The following TMEM135 variants were observed in gnomAD, a reference collection of about 807,000 sequenced individuals.
TMEM135 encodes the protein transmembrane protein 135.
Under a neutral mutation model 60.3 loss-of-function variants are expected in TMEM135, and 30 were observed. The ratio of observed to expected loss-of-function variants is 0.50; its 90% CI spans 0.37 to 0.68. The LOEUF (loss-of-function observed/expected upper bound fraction) is 0.68. Among genes scored for constraint, TMEM135 ranks in the 30% least tolerant of loss-of-function variants. TMEM135 has a pLI of 0.00. For missense variants in TMEM135, 468 were observed against 548.8 expected, an observed-to-expected ratio of 0.85 and a Z score of 1.47; for synonymous variants, 190 against 186.7, an observed-to-expected ratio of 1.02 and a Z score of -0.14.
chr11:87,155,106 C>T (rs905074377), intron 4 of TMEM135, among the ~76,000 whole-genome samples: 21 of 152,330 alleles, frequency 1.4e-4, no homozygotes, highest in African/African-American at 5.1e-4. Flanking sequence ...TCAAGTTATT[C>T]TCCTGCCTCA....
chr11:87,256,397 C>T (rs188794162), intron 6 of TMEM135, among the ~76,000 whole-genome samples: 30 of 152,080 alleles, frequency 2.0e-4, no homozygotes, highest in East Asian at 1.4e-3. Context: ...GGAAGCGGTT[C>T]GCTATGAAAA....
At chr11:87,238,731 T>C (rs1337473289) in intron 6 of TMEM135, among the ~76,000 whole-genome samples, 9 of 152,072 alleles carry the variant, frequency 5.9e-5, no homozygotes, top group Non-Finnish European at 1.3e-4. Context: ...ATAGTTTGTC[T>C]TCATATTTTT....
chr11:87,158,867 A>G (rs1294087383), intron 5 of TMEM135, among the ~76,000 whole-genome samples: 5 of 152,212 alleles, frequency 3.3e-5, no homozygotes, highest in African/African-American at 1.2e-4. Context: ...TTTTGAAAAA[A>G]GAAAACTTAC....
At chr11:87,317,566 G>A (rs926926172) in intron 12 of TMEM135, among the ~76,000 whole-genome samples, 9 of 151,906 alleles carry the variant, frequency 5.9e-5, no homozygotes, top group Non-Finnish European at 8.8e-5. Context: ...AGCTTATATA[G>A]ATCTTGAGGA....
intron 1 of TMEM135, among the ~76,000 whole-genome samples, chr11:87,053,754 G>T (rs17149678): frequency 6.6e-6 from 1 of 151,976 alleles, no homozygotes; most frequent in Non-Finnish European, 1.5e-5. Context: ...TTCCATTATC[G>T]TAATATATAC....
At chr11:87,285,125 C>T (rs7114515) in intron 6 of TMEM135, among the ~76,000 whole-genome samples, 55,716 of 152,002 alleles carry the variant, frequency 0.37, 10,877 homozygotes, top group Non-Finnish European at 0.43. Context: ...TCTTGGTAAT[C>T]GTATGATAAG....
intron 4 of TMEM135, among the ~76,000 whole-genome samples, chr11:87,153,579 C>A (rs1938614324): frequency 6.6e-6 from 1 of 152,244 alleles, no homozygotes; most frequent in Non-Finnish European, 1.5e-5. Context: ...AATATCCCTT[C>A]TACCTCATTG....
intron 5 of TMEM135, among the ~76,000 whole-genome samples, chr11:87,168,753 A>C (rs1054988699): frequency 1.3e-5 from 2 of 152,144 alleles, no homozygotes; most frequent in South Asian, 4.1e-4. Context: ...AAGAAGTTCT[A>C]TGTGGTGCTG....
chr11:87,116,135 GAT>G (rs1239696026), intron 4 of TMEM135, among the ~76,000 whole-genome samples: 1 of 152,026 alleles, frequency 6.6e-6, no homozygotes, highest in Non-Finnish European at 1.5e-5. Context: ...TGGCCAATGA[GAT>G]GTGTAAACAT....
chr11:87,225,928 TTCC>T (rs1045754191), intron 5 of TMEM135, among the ~76,000 whole-genome samples: 1 of 152,166 alleles, frequency 6.6e-6, no homozygotes, highest in African/African-American at 2.4e-5. Context: ...TATTGTTTTA[TTCC>T]TCCTCTTTTC....
chr11:87,105,688 T>C (rs994355255), intron 4 of TMEM135, among the ~76,000 whole-genome samples: 3 of 152,262 alleles, frequency 2.0e-5, no homozygotes, highest in Admixed American at 1.3e-4. Context: ...ATGCATAGAC[T>C]ATGTAATGTA....
chr11:87,164,163 T>C (rs1236030864), intron 5 of TMEM135, among the ~76,000 whole-genome samples: 21 of 124,416 alleles, frequency 1.7e-4, no homozygotes, highest in Non-Finnish European at 3.1e-4. Flanking sequence ...AGGGTTTTTA[T>C]GGTTTTAGGT....
chr11:87,288,226 T>C (rs529644249), intron 6 of TMEM135, among the ~76,000 whole-genome samples: 3 of 152,322 alleles, frequency 2.0e-5, no homozygotes, highest in Non-Finnish European at 2.9e-5. Context: ...ATAGCAATAA[T>C]ATTTTATCAT....
chr11:87,171,901 AT>A (rs935450498), intron 5 of TMEM135, among the ~76,000 whole-genome samples: 1 of 152,122 alleles, frequency 6.6e-6, no homozygotes, highest in African/African-American at 2.4e-5. Flanking sequence ...TCACACTCTT[AT>A]GAGGATCTGC....
intron 5 of TMEM135, among the ~76,000 whole-genome samples, chr11:87,158,413 G>A (rs140082657): frequency 8.6e-5 from 13 of 151,908 alleles, no homozygotes; most frequent in African/African-American, 1.4e-4. Context: ...CATTTGAAAA[G>A]TATGTACACT....
At chr11:87,219,510 G>A (rs1409342203) in intron 5 of TMEM135, among the ~76,000 whole-genome samples, 1 of 152,036 alleles carries the variant, frequency 6.6e-6, no homozygotes, top group Non-Finnish European at 1.5e-5. Context: ...GAGTGAGAGC[G>A]AAAGAGCGAG....
intron 5 of TMEM135, among the ~76,000 whole-genome samples, chr11:87,168,120 A>G (rs1939117355): frequency 6.6e-6 from 1 of 152,060 alleles, no homozygotes; most frequent in Non-Finnish European, 1.5e-5. Context: ...GTATTCTCTG[A>G]TGGTAGTTTG....
At chr11:87,159,617 A>ACCCCCCCC (rs1555112002) in intron 5 of TMEM135, among the ~76,000 whole-genome samples, 1 of 149,344 alleles carries the variant, frequency 6.7e-6, no homozygotes, top group African/African-American at 2.5e-5. Context: ...ACACACACAC[A>ACCCCCCCC]CCATAGATTT....
intron 6 of TMEM135, among the ~76,000 whole-genome samples, chr11:87,239,195 A>G (rs570683555): frequency 3.1e-4 from 47 of 152,224 alleles, no homozygotes; most frequent in African/African-American, 1.1e-3. Context: ...AATACTTTCC[A>G]GAAGGCTCAA....
Sources: allele counts gnomAD v4.1 joint callset (sites outside exome capture counted in the v4.1 genomes callset), GRCh38; gene constraint gnomAD v4.1.1; transcripts MANE v1.5; gene names NCBI Gene and HGNC (gene_info 2026-07-23, HGNC 2026-07-21).